Variants in SEC11C observed in about 807,000 individuals in gnomAD.
The protein encoded by SEC11C is signal peptidase complex catalytic subunit SEC11C.
A neutral mutation model predicts 21.9 loss-of-function variants in SEC11C; 10 were observed. That is an observed-to-expected ratio of 0.46 (90% confidence interval 0.28 to 0.77). The LOEUF (loss-of-function observed/expected upper bound fraction) is 0.77. Among genes scored for constraint, SEC11C ranks in the 30% least tolerant of loss-of-function variants. The pLI, the probability that SEC11C is intolerant of heterozygous loss-of-function variation, is 0.12. For synonymous variants in SEC11C, 83 were observed against 85.6 expected (o/e 0.97, Z 0.17); for missense variants, 145 against 244.5 (o/e 0.59, Z 2.71).
At chr18:59,157,863 A>C (rs1218892462) in intron 5 of SEC11C, among the ~76,000 whole-genome samples, 198 bp downstream of exon 5, 1 of 152,168 alleles carries the variant, frequency 6.6e-6, no homozygotes, top group Non-Finnish European at 1.5e-5. Flanking sequence ...TTCCCCTTGT[A>C]TGTTCAGTGT....
intron 1 of SEC11C, among the ~76,000 whole-genome samples, chr18:59,148,615 GCTC>G (rs1187384700): frequency 8.7e-6 from 1 of 115,196 alleles, no homozygotes; most frequent in Non-Finnish European, 1.7e-5. Context: ...TCCCACCTGT[GCTC>G]CTTTTTTTTT....
At chr18:59,155,883 A>T in intron 4 of SEC11C, 76 bp downstream of exon 4, 1 of 1,515,244 alleles carries the variant, frequency 6.6e-7, no homozygotes, top group Middle Eastern at 1.7e-4. Flanking sequence ...CAATAGGCTA[A>T]TGAGTCGTTA....
chr18:59,148,026 G>C (rs1814878), intron 1 of SEC11C: 34,845 of 152,268 alleles, frequency 0.23, 4,631 homozygotes, highest in East Asian at 0.64. Context: ...GGTCATTGAA[G>C]CAGAGACCCA....
chr18:59,145,392 G>A (rs2069261381), intron 1 of SEC11C, among the ~76,000 whole-genome samples: 1 of 152,214 alleles, frequency 6.6e-6, no homozygotes, highest in African/African-American at 2.4e-5. Flanking sequence ...TAGCCAGTCA[G>A]GGCAGGGTTC....
At chr18:59,140,808 TG>T (rs1450181976) in intron 1 of SEC11C, among the ~76,000 whole-genome samples, 1 of 152,162 alleles carries the variant, frequency 6.6e-6, no homozygotes, top group African/African-American at 2.4e-5. Context: ...TCACTGTCTT[TG>T]GGGCCTTATC....
intron 2 of SEC11C, among the ~76,000 whole-genome samples, chr18:59,151,692 A>G (rs894576096): frequency 9.2e-5 from 14 of 152,282 alleles, no homozygotes; most frequent in African/African-American, 3.4e-4. Context: ...CCACTAGAGC[A>G]CCACGGAGCT....
At chr18:59,142,257 A>G (rs1318133301) in intron 1 of SEC11C, among the ~76,000 whole-genome samples, 2 of 152,200 alleles carry the variant, frequency 1.3e-5, no homozygotes, top group African/African-American at 4.8e-5. Context: ...GGCTTGCTCA[A>G]AGGAAGTTTT....
intron 3 of SEC11C, 96 bp downstream of exon 3, chr18:59,152,781 A>T: frequency 3.6e-6 from 4 of 1,106,938 alleles, no homozygotes; most frequent in Non-Finnish European, 5.1e-6. Flanking sequence ...TTATGTTCTG[A>T]GTTCTGCCAT....
chr18:59,157,346 T>C, intron 4 of SEC11C: 1 of 347,832 alleles, frequency 2.9e-6, no homozygotes, highest in East Asian at 4.8e-5. Context: ...GGCTTAACTA[T>C]TTTAATTGTA....
Position 59,140,046 on chromosome 18 carries a change from A to G in SEC11C, c.87+11A>G. ...ATGAACAAGCGCCAGGTGACGGAGG[A>G]GGGTGGTGAGCGCGCCGTGGCCGGG... is the stretch of plus-strand genomic sequence containing the variant. On this transcript the variant is annotated intron_variant, in intron 1 of 5. Transcript: ENST00000587834. 2 of 1,570,354 alleles carry G rather than the reference A, an allele frequency of 1.3e-6. No homozygotes were observed. The highest frequency in any genetic ancestry group is 1.7e-6 in the Non-Finnish European group (2 of 1,153,126).
rs79724908 is a variant in SEC11C, at chr18:59,152,704, C to T, written c.347+19C>T. Reference sequence around the variant, plus strand: ...ATGAAAAGTAAAGAGGCTTTATTTCCTTTTGGTTTTGTTATGTAAATTTTT... The same window carrying T: ...ATGAAAAGTAAAGAGGCTTTATTTCTTTTTGGTTTTGTTATGTAAATTTTT... On this transcript the variant is annotated intron_variant, in intron 3 of 5. Transcript: ENST00000587834. The T allele has an allele frequency of 1.2e-3, 1,891 of 1,567,446 alleles. 30 individuals carry two copies. In the African/African-American group the frequency reaches 0.024, roughly 20 times the overall value.
chr18:59,157,267 G>A (rs1257612642), intron 4 of SEC11C: 2 of 202,538 alleles, frequency 9.9e-6, no homozygotes, highest in African/African-American at 4.6e-5. Context: ...TTTTTATATG[G>A]GCTATCTGAA....
chr18:59,154,350 A>G (rs973536860), intron 3 of SEC11C, among the ~76,000 whole-genome samples: 2 of 152,046 alleles, frequency 1.3e-5, no homozygotes, highest in Non-Finnish European at 2.9e-5. Flanking sequence ...GCTCTTTTTG[A>G]TATGGTTTCA....
chr18:59,143,110 TG>T (rs2069229520), intron 1 of SEC11C, among the ~76,000 whole-genome samples: 1 of 152,150 alleles, frequency 6.6e-6, no homozygotes, highest in Non-Finnish European at 1.5e-5. Context: ...CCTAGCACTT[TG>T]GGAGGCCGAG....
chr18:59,155,164 T>C (rs908650218), intron 3 of SEC11C, among the ~76,000 whole-genome samples: 5 of 152,252 alleles, frequency 3.3e-5, no homozygotes, highest in African/African-American at 1.2e-4. Context: ...ACCAGCTTCA[T>C]GACCTGACTT....
At chr18:59,156,308 C>T (rs2069417428) in intron 4 of SEC11C, 1 of 154,516 alleles carries the variant, frequency 6.5e-6, no homozygotes, top group Admixed American at 6.5e-5. Flanking sequence ...TCAGGGAATG[C>T]TGTAGGTACT....
chr18:59,153,726 T>C (rs2069386558), intron 3 of SEC11C, among the ~76,000 whole-genome samples: 1 of 151,780 alleles, frequency 6.6e-6, no homozygotes, highest in South Asian at 2.1e-4. Flanking sequence ...AATTTTTTTT[T>C]TTTTTTTTGA....
At chr18:59,146,098 A>G (rs1170057835) in intron 1 of SEC11C, among the ~76,000 whole-genome samples, 1 of 152,216 alleles carries the variant, frequency 6.6e-6, no homozygotes, top group South Asian at 2.1e-4. Context: ...GTGCATGGGC[A>G]TTAGGAGACC....
Position 59,158,510 on chromosome 18 carries a change from G to A in SEC11C, c.526-122G>A, listed in dbSNP as rs150330310. 855 of 774,638 alleles carry A rather than the reference G, an allele frequency of 1.1e-3. 3 individuals are homozygous for A. In the African/African-American group the frequency reaches 0.012, roughly 11 times the overall value. The allele number at this position is 774,638 out of a possible 1,614,324, so 48.0% of individuals were successfully genotyped here. ...CTCATTTAGAGAACAAGCCATGGGGGGAAGAGGTAATCTTTTGATTCTGTC... is the reference window on the plus strand; with the variant it reads ...CTCATTTAGAGAACAAGCCATGGGGAGAAGAGGTAATCTTTTGATTCTGTC... On this transcript the variant is annotated intron_variant, in intron 5 of 5. Transcript: ENST00000587834.
Sources: allele counts gnomAD v4.1 joint callset (sites outside exome capture counted in the v4.1 genomes callset), GRCh38; gene constraint gnomAD v4.1.1; transcripts MANE v1.5; gene names NCBI Gene and HGNC (gene_info 2026-07-23, HGNC 2026-07-21).